ZNF134: variants seen among roughly 807,000 people sequenced by gnomAD.
ZNF134 encodes zinc finger protein 134 (clone pHZ-15).
In ZNF134, 5 loss-of-function variants were observed where a neutral mutation model predicts 2.5. That is an observed-to-expected ratio of 2.03 (90% confidence interval 1.06 to 4.27). The LOEUF (loss-of-function observed/expected upper bound fraction) is 4.27, where lower values mean the gene tolerates loss of function less well. Ranked by LOEUF, ZNF134 falls within the 30% of genes most tolerant of loss-of-function variation. The pLI, the probability that ZNF134 is intolerant of heterozygous loss-of-function variation, is 0.00. For synonymous variants in ZNF134, 176 were observed against 176.2 expected (o/e 1.00, Z 0.01); for missense variants, 540 against 517.5 (o/e 1.04, Z -0.42).
In ZNF134 at chr19:57,614,388, G is replaced by A. The variant is rs1980990735; in HGVS notation, c.-173G>A. 2.2e-6 allele frequency: 1 copy of A among 453,308 alleles called. No homozygotes were observed. The highest frequency in any genetic ancestry group is 1.6e-5 in the South Asian group (1 of 64,292). The allele number at this position is 453,308 out of a possible 1,614,324, so 28.1% of individuals were successfully genotyped here. On this transcript the variant is annotated 5_prime_UTR_variant, in exon 1 of 3. Coordinates refer to ENST00000396161, the MANE Select transcript of ZNF134 (RefSeq NM_003435.5). Reference sequence around the variant, plus strand: ...TGGCTCGCCAGCGAAGACCCCGCCTGCGCCCCCGGGGACGGACGACCGCGG... The same window carrying A: ...TGGCTCGCCAGCGAAGACCCCGCCTACGCCCCCGGGGACGGACGACCGCGG...
chr19:57,614,515 C>T lies in ZNF134; in HGVS notation c.-58+12C>T. On this transcript the variant is annotated intron_variant, in intron 1 of 2. Transcript: ENST00000396161. ...TGGGCCCGGCGCAGGTGGGTGCTGC[C>T]TTTCCCAGACTTTCGCCCGCCCCAA... 2.9e-6 allele frequency: 1 copy of T among 350,282 alleles called. No individual in the cohort carries two copies. Among genetic ancestry groups the T allele is most frequent in the Non-Finnish European group, 5.6e-6 (1 of 178,832 alleles). The allele number at this position is 350,282 out of a possible 1,614,324, so 21.7% of individuals were successfully genotyped here.
intron 2 of ZNF134, chr19:57,619,730 C>A: frequency 1.7e-6 from 1 of 585,124 alleles, no homozygotes; most frequent in South Asian, 2.3e-5. Flanking sequence ...ATAGCTCTCT[C>A]TGCGATGCTT....
chr19:57,615,655 ACTC>A (rs1981031824), intron 1 of ZNF134, among the ~76,000 whole-genome samples: 1 of 151,796 alleles, frequency 6.6e-6, no homozygotes, highest in Non-Finnish European at 1.5e-5. Context: ...CCTCTGTGTC[ACTC>A]CCCCATGGGC....
At chr19:57,615,851 G>A (rs946268693) in intron 1 of ZNF134, among the ~76,000 whole-genome samples, 44 of 152,344 alleles carry the variant, frequency 2.9e-4, no homozygotes, top group African/African-American at 1.0e-3. Flanking sequence ...TTATTGGTTA[G>A]TGCTTACAGG....
chr19:57,616,123 G>T (rs1981045399), intron 1 of ZNF134, among the ~76,000 whole-genome samples: 1 of 152,190 alleles, frequency 6.6e-6, no homozygotes, highest in South Asian at 2.1e-4. Flanking sequence ...TCCCCAACCA[G>T]TGCATTGGTG....
Position 57,621,879 on chromosome 19 carries a change from A to T in ZNF134, c.*476A>T, listed in dbSNP as rs115775338. 2 of 277,272 alleles carry T rather than the reference A, an allele frequency of 7.2e-6. No homozygotes were observed. The highest frequency in any genetic ancestry group is 8.6e-5 in the East Asian group (1 of 11,628). The allele number at this position is 277,272 out of a possible 1,614,324, so 17.2% of individuals were successfully genotyped here. A position where few individuals can be genotyped will look rare whatever the true frequency, so the allele number is the denominator to read the frequency against. On this transcript the variant is annotated 3_prime_UTR_variant, in exon 3 of 3. Coordinates refer to ENST00000396161, the MANE Select transcript of ZNF134 (RefSeq NM_003435.5). ...CCTGGCCTGGGAAAGTACTTGCCTC[A>T]TGTTGCTCTGGTTTGTGATAATAAA...
chr19:57,616,114 C>T (rs1443309227), intron 1 of ZNF134, among the ~76,000 whole-genome samples: 1 of 152,166 alleles, frequency 6.6e-6, no homozygotes, highest in East Asian at 1.9e-4. Context: ...GCAGTCCCAT[C>T]CCCAACCAGT....
chr19:57,617,129 G>A (rs985609743), intron 1 of ZNF134, among the ~76,000 whole-genome samples: 5 of 152,182 alleles, frequency 3.3e-5, no homozygotes, highest in African/African-American at 1.2e-4. Flanking sequence ...GCAGGGACAG[G>A]ATTCAGCCCA....
At position 57,614,401 on chromosome 19, in the gene ZNF134, C is replaced by T. The variant is rs920955516; in HGVS notation, c.-160C>T. On this transcript the variant is annotated 5_prime_UTR_variant, in exon 1 of 3. In the 5' UTR this introduces an upstream ATG that the reference lacks. Coordinates refer to ENST00000396161, the MANE Select transcript of ZNF134 (RefSeq NM_003435.5). ...AAGACCCCGCCTGCGCCCCCGGGGACGGACGACCGCGGTGCCAGGGTCCCG... is the reference window on the plus strand; with the variant it reads ...AAGACCCCGCCTGCGCCCCCGGGGATGGACGACCGCGGTGCCAGGGTCCCG... 6.6e-6 allele frequency: 3 copies of T among 451,170 alleles called. No individual in the cohort carries two copies. The highest frequency in any genetic ancestry group is 1.3e-5 in the Non-Finnish European group (3 of 224,620). 27.9% of individuals were successfully genotyped at this position (451,170 alleles called of 1,614,324 possible). A position where few individuals can be genotyped will look rare whatever the true frequency, so the allele number is the denominator to read the frequency against.
rs3054108 is a variant in ZNF134, at chr19:57,622,958, T to TACACACACACAC, written c.*1582_*1593dup. On this transcript the variant is annotated 3_prime_UTR_variant, in exon 3 of 3. Transcript: ENST00000396161. The stretch of plus-strand genomic sequence containing the variant: ...TTAAAGTGTACGAGTTAAGTCTTGA[T>TACACACACACAC]ACACACACACACACACACACACACA... The TACACACACACAC allele has an allele frequency of 3.4e-5, 5 of 147,178 alleles. No individual in the cohort carries two copies. Among genetic ancestry groups the TACACACACACAC allele is most frequent in the African/African-American group, 5.0e-5 (2 of 40,022 alleles). The allele number at this position is 147,178 out of a possible 1,614,324, so 9.1% of individuals were successfully genotyped here.
chr19:57,617,042 G>A (rs1981072569), intron 1 of ZNF134, among the ~76,000 whole-genome samples: 2 of 152,182 alleles, frequency 1.3e-5, no homozygotes, highest in Admixed American at 1.3e-4. Flanking sequence ...ACCAGCATGT[G>A]CAAATACTTA....
intron 1 of ZNF134, among the ~76,000 whole-genome samples, chr19:57,616,619 C>A (rs1981058590): frequency 6.6e-6 from 1 of 152,170 alleles, no homozygotes; most frequent in African/African-American, 2.4e-5. Flanking sequence ...GCACTGAGAT[C>A]TGAGTATCTG....
chr19:57,621,068 G>C lies in ZNF134; in HGVS notation c.949G>C (p.Asp317His), dbSNP rs752979134. 4 of 1,614,176 alleles carry C rather than the reference G, an allele frequency of 2.5e-6. No homozygotes were observed. Among genetic ancestry groups the C allele is most frequent in the Middle Eastern group, 1.7e-4 (1 of 6,060 alleles). The change falls in exon 3 of 3, where the codon GAT (aspartate) becomes CAT (histidine). Residue 317 changes from aspartate to histidine, a missense_variant. Coordinates refer to ENST00000396161, the MANE Select transcript of ZNF134 (RefSeq NM_003435.5). ...ESIHTGENPYDCSDCGKSFGH... is the reference protein window; with the variant it reads ...ESIHTGENPYHCSDCGKSFGH... ...TATTCACACTGGAGAAAATCCTTAT[G>C]ATTGCAGTGATTGTGGGAAATCCTT...
chr19:57,620,650 G>A lies in ZNF134; in HGVS notation c.531G>A (p.Lys177=), dbSNP rs1420342105. 1 of 1,614,088 alleles carries A rather than the reference G, an allele frequency of 6.2e-7. No individual in the cohort carries two copies. The highest frequency in any genetic ancestry group is 8.5e-7 in the Non-Finnish European group (1 of 1,180,046). The part of the protein sequence containing the change: ...DAFHGEQMHY[K]CSECGKAFSR... ...TTCATGGTGAACAAATGCATTACAA[G>A]TGCAGTGAATGTGGGAAAGCTTTCA... is the stretch of plus-strand genomic sequence containing the variant. The change falls in exon 3 of 3, where the codon AAG becomes AAA. Residue 177 remains lysine (K), a synonymous_variant. Transcript: ENST00000396161.
rs1013729962 is a variant in ZNF134 at position 57,620,477 on chromosome 19, A to G, written c.358A>G (p.Thr120Ala). Residue 120 changes from threonine to alanine, a missense_variant, in exon 3 of 3, where the codon ACA (threonine) becomes GCA (alanine). Thr to Ala is a moderately conservative substitution (Grantham distance 58). Coordinates refer to ENST00000396161, the MANE Select transcript of ZNF134 (RefSeq NM_003435.5). ...KSEASIVKNCTVSKEPHPSEK... is the reference protein window; with the variant it reads ...KSEASIVKNCAVSKEPHPSEK... Reference sequence around the variant, plus strand: ...TGAGGCCTCAATTGTGAAGAACTGCACAGTTAGCAAAGAACCTCATCCGTC... The same window carrying G: ...TGAGGCCTCAATTGTGAAGAACTGCGCAGTTAGCAAAGAACCTCATCCGTC... The G allele has an allele frequency of 4.3e-6, 7 of 1,614,120 alleles. No individual in the cohort carries two copies. In the Admixed American group the frequency reaches 1.2e-4, roughly 27 times the overall value.
At chr19:57,617,213 GA>G (rs1981078391) in intron 1 of ZNF134, among the ~76,000 whole-genome samples, 1 of 152,166 alleles carries the variant, frequency 6.6e-6, no homozygotes, top group South Asian at 2.1e-4. Context: ...AGCTAGGAGG[GA>G]GTGATCTGAC....
intron 1 of ZNF134, among the ~76,000 whole-genome samples, chr19:57,615,797 G>C (rs576820024): frequency 6.6e-6 from 1 of 152,264 alleles, no homozygotes; most frequent in East Asian, 1.9e-4. Context: ...GTGTGGTTTT[G>C]GCGGGGGCAA....
Position 57,620,201 on chromosome 19 carries a change from C to T in ZNF134, c.82C>T (p.Gln28Ter). The change falls in exon 3 of 3, where the codon CAG becomes TAG. Residue 28 changes from glutamine (Q) to a stop codon, truncating the protein, a stop_gained. Coordinates refer to ENST00000396161, the MANE Select transcript of ZNF134 (RefSeq NM_003435.5). LOFTEE classifies it low-confidence loss of function (END_TRUNC). ...GAAGGATGAAGAGTCATCTTCTGAA[C>T]AGAGCATTTCTATAGCAGTGTCACA... Reference protein sequence around the residue: ...EVKDEESSSEQSISIAVSHVN... With the variant: ...EVKDEESSSE 3 of 1,614,152 alleles carry T rather than the reference C, an allele frequency of 1.9e-6. No homozygotes were observed. The highest frequency in any genetic ancestry group is 2.5e-6 in the Non-Finnish European group (3 of 1,180,004).
Position 57,614,246 on chromosome 19 carries a change from T to C in ZNF134, c.-315T>C. The C allele has an allele frequency of 2.4e-6, 1 of 420,202 alleles. No homozygotes were observed. The allele number at this position is 420,202 out of a possible 1,614,324, so 26.0% of individuals were successfully genotyped here. On this transcript the variant is annotated 5_prime_UTR_variant, in exon 1 of 3. Transcript: ENST00000396161. ...GGGACTTCCGGTATCTTCCTCGCGG[T>C]GGACATCTTGTCGGCTCTTAGGTGG...
Sources: allele counts gnomAD v4.1 joint callset (sites outside exome capture counted in the v4.1 genomes callset), GRCh38; gene constraint gnomAD v4.1.1; transcripts MANE v1.5; gene names NCBI Gene and HGNC (gene_info 2026-07-23, HGNC 2026-07-21).